The following KLHL13 variants were observed in gnomAD, a reference collection of about 807,000 sequenced individuals.
KLHL13 encodes kelch like family member 13.
KLHL13 carries 10 observed loss-of-function variants against 37.1 expected under a neutral mutation model. The ratio of observed to expected loss-of-function variants is 0.27; its 90% CI spans 0.17 to 0.46. The LOEUF is 0.46. Ranked by LOEUF, KLHL13 falls within the 20% of genes least tolerant of loss-of-function variation. The pLI is 1.00. For synonymous variants in KLHL13, 163 were observed against 181.2 expected (o/e 0.90, Z 0.81); for missense variants, 360 against 509.3 (o/e 0.71, Z 2.82).
At chrX:118,083,667 C>T (rs1159257249) in intron 1 of KLHL13, among the ~76,000 whole-genome samples, 2 of 110,737 alleles carry the variant, frequency 1.8e-5, no homozygotes, top group Non-Finnish European at 3.8e-5. Flanking sequence ...TATTGCATGG[C>T]GGGGTGACTA....
chrX:118,031,019 G>A (rs1392538096), intron 1 of KLHL13, among the ~76,000 whole-genome samples: 1 of 111,148 alleles, frequency 9.0e-6, no homozygotes, highest in African/African-American at 3.3e-5. Context: ...AAACTATTTG[G>A]TCTCCTGAGG....
intron 1 of KLHL13, among the ~76,000 whole-genome samples, chrX:118,101,730 T>C (rs1446677616): frequency 9.0e-6 from 1 of 110,807 alleles, no homozygotes; most frequent in African/African-American, 3.3e-5. Flanking sequence ...AGGGAGGTGA[T>C]TGGATCACAG....
intron 1 of KLHL13, among the ~76,000 whole-genome samples, chrX:118,081,191 AT>A (rs1197019779): frequency 8.9e-6 from 1 of 111,867 alleles, no homozygotes; most frequent in African/African-American, 3.2e-5. Flanking sequence ...CGATATACCC[AT>A]GTAACAAACC....
chrX:117,996,294 T>C (rs1354099467), intron 1 of KLHL13, among the ~76,000 whole-genome samples: 1 of 111,972 alleles, frequency 8.9e-6, no homozygotes, highest in Non-Finnish European at 1.9e-5. Context: ...TAGCAGATGA[T>C]TCAGACAGTT....
At position 118,096,018 on chromosome X, in the gene KLHL13, A is replaced by T. The variant is rs375100801; in HGVS notation, c.-56+20490T>A. Reference sequence around the variant, plus strand: ...AAACCCTAACATCACAATTAAAAGAACTAGAAAAGCAAGAGCAAACACATT... The same window carrying T: ...AAACCCTAACATCACAATTAAAAGATCTAGAAAAGCAAGAGCAAACACATT... On this transcript the variant is annotated intron_variant, in intron 1 of 6. Transcript: ENST00000371882. Among the ~76,000 whole-genome samples, 11 of 112,225 alleles carry T rather than the reference A, an allele frequency of 9.8e-5. No homozygotes were observed. In the East Asian group the frequency reaches 2.0e-3, roughly 20 times the overall value.
chrX:117,986,843 C>CA (rs2053732138), intron 1 of KLHL13, among the ~76,000 whole-genome samples: 1 of 111,824 alleles, frequency 8.9e-6, no homozygotes, highest in African/African-American at 3.3e-5. Context: ...GTTTAGCACT[C>CA]AATGTTGAAG....
intron 1 of KLHL13, among the ~76,000 whole-genome samples, chrX:117,961,146 T>C (rs886386781): frequency 3.6e-5 from 4 of 112,034 alleles, no homozygotes; most frequent in African/African-American, 9.7e-5. Flanking sequence ...AAAGCTCTAA[T>C]AGGAGAAACT....
chrX:118,086,464 A>C (rs2055055679), intron 1 of KLHL13, among the ~76,000 whole-genome samples: 1 of 112,138 alleles, frequency 8.9e-6, no homozygotes, highest in Admixed American at 9.5e-5. Flanking sequence ...AACATACTAA[A>C]AAAAAACACT....
intron 1 of KLHL13, among the ~76,000 whole-genome samples, chrX:118,035,170 G>A (rs1240575880): frequency 1.9e-5 from 2 of 105,524 alleles, no homozygotes; most frequent in East Asian, 2.8e-4. Context: ...GGTACAAGGA[G>A]GAACTGGTAC....
chrX:118,106,862 A>C (rs2055353404), intron 1 of KLHL13, among the ~76,000 whole-genome samples: 1 of 112,331 alleles, frequency 8.9e-6, no homozygotes, highest in Admixed American at 9.4e-5. Context: ...AGGTACTATC[A>C]AACTTTTATC....
At chrX:117,960,044 T>G (rs746012258) in intron 1 of KLHL13, among the ~76,000 whole-genome samples, 2 of 110,652 alleles carry the variant, frequency 1.8e-5, no homozygotes, top group Non-Finnish European at 3.8e-5. Flanking sequence ...TTTAGTGCTC[T>G]AAAACACAAT....
chrX:118,012,299 T>C (rs1382162378), intron 1 of KLHL13, among the ~76,000 whole-genome samples: 2 of 112,068 alleles, frequency 1.8e-5, no homozygotes, highest in Non-Finnish European at 3.8e-5. Context: ...ACAACCCTAG[T>C]TGATGATCTT....
chrX:118,006,932 C>A (rs1186720084), intron 1 of KLHL13, among the ~76,000 whole-genome samples: 1 of 111,478 alleles, frequency 9.0e-6, no homozygotes, highest in African/African-American at 3.3e-5. Context: ...CTTTCCCCTT[C>A]ATATCACATG....
chrX:117,897,889 G>C (rs1426503716), exon 7 of KLHL13: 1 of 112,068 alleles, frequency 8.9e-6, no homozygotes, highest in Non-Finnish European at 1.9e-5. Context: ...CAGCTCTCCA[G>C]GTGAAGCTGC....
At chrX:117,912,773 T>C (rs186896179) in intron 4 of KLHL13, among the ~76,000 whole-genome samples, 11 of 111,868 alleles carry the variant, frequency 9.8e-5, no homozygotes, top group Admixed American at 2.8e-4. Flanking sequence ...TGTAGGCACA[T>C]AGTTGGTATA....
chrX:118,070,810 G>T (rs2054851919), intron 1 of KLHL13, among the ~76,000 whole-genome samples: 2 of 108,753 alleles, frequency 1.8e-5, no homozygotes, highest in Admixed American at 2.0e-4. Flanking sequence ...CAATGTGCAG[G>T]TTAGTTACAT....
intron 1 of KLHL13, among the ~76,000 whole-genome samples, chrX:118,007,226 A>G (rs947887835): frequency 9.1e-6 from 1 of 109,552 alleles, no homozygotes; most frequent in Non-Finnish European, 1.9e-5. Flanking sequence ...CCTGGTGAAC[A>G]TAGCGAGACC....
At chrX:117,997,499 A>C (rs767009006) in intron 1 of KLHL13, among the ~76,000 whole-genome samples, 4 of 112,383 alleles carry the variant, frequency 3.6e-5, no homozygotes, top group Admixed American at 9.4e-5. Context: ...AAATGAACAA[A>C]AATCTGTCTT....
chrX:117,961,919 A>G (rs2053303482), intron 1 of KLHL13, among the ~76,000 whole-genome samples: 2 of 110,247 alleles, frequency 1.8e-5, no homozygotes, highest in African/African-American at 3.3e-5. Context: ...ACTGTAAGAT[A>G]ATATGCCAAG....
Sources: gnomAD v4.1 joint callset for allele counts (sites outside exome capture counted in the v4.1 genomes callset) on GRCh38, gnomAD v4.1.1 for gene constraint, MANE v1.5 for transcripts, NCBI Gene and HGNC (gene_info 2026-07-23, HGNC 2026-07-21) for gene names.